Variants in SVIL observed in about 807,000 individuals in gnomAD.
SVIL encodes the protein supervillin.
SVIL carries 101 observed loss-of-function variants against 240.4 expected under a neutral mutation model. The observed-to-expected ratio is 0.42, with a 90% CI of 0.36 to 0.50. The LOEUF (loss-of-function observed/expected upper bound fraction) is 0.50. SVIL is among the 20% of genes least tolerant of loss of function. SVIL has a pLI of 0.01. For synonymous variants in SVIL, 999 were observed against 1,100.0 expected, an observed-to-expected ratio of 0.91 and a Z score of 1.82; for missense variants, 2,512 against 2,818.7, an observed-to-expected ratio of 0.89 and a Z score of 2.46.
Position 29,524,529 on chromosome 10 carries a change from C to A in SVIL, c.2529G>T (p.Gln843His). Residue 843 changes from glutamine to histidine, a missense_variant, in exon 14 of 38, where the codon CAG (glutamine) becomes CAT (histidine). Gln to His is a conservative substitution (Grantham distance 24, BLOSUM62 0). This residue lies in a region of SVIL where 1,443 missense variants were observed against 1,486.6 expected (regional missense o/e 0.97). Transcript: ENST00000355867. Reference protein sequence around the residue: ...ISTRNRIDTRQRRMNARYQTQ... With the variant: ...ISTRNRIDTRHRRMNARYQTQ... ...TTTGATAGCGAGCGTTCATTCTCCTCTGTCTCGTGTCTATTCTGTTCCGGG... is the reference window on the plus strand; with the variant it reads ...TTTGATAGCGAGCGTTCATTCTCCTATGTCTCGTGTCTATTCTGTTCCGGG... 1 of 1,614,222 alleles carries A rather than the reference C, an allele frequency of 6.2e-7. No individual in the cohort carries two copies. Among genetic ancestry groups the A allele is most frequent in the Non-Finnish European group, 8.5e-7 (1 of 1,180,046 alleles).
chr10:29,639,165 C>T (rs1228832444), upstream of SVIL, among the ~76,000 whole-genome samples: 1 of 151,906 alleles, frequency 6.6e-6, no homozygotes, highest in Non-Finnish European at 1.5e-5. Context: ...AACTCTTCCC[C>T]TTTCTTTTTT....
intron 1 of SVIL, among the ~76,000 whole-genome samples, chr10:29,695,282 G>A (rs768191184): frequency 6.6e-6 from 1 of 152,094 alleles, no homozygotes; most frequent in Non-Finnish European, 1.5e-5. Flanking sequence ...CTATGAGAAG[G>A]GGTAGTGGGA....
chr10:29,689,645 T>C (rs1431863232), intron 1 of SVIL, among the ~76,000 whole-genome samples: 1 of 152,214 alleles, frequency 6.6e-6, no homozygotes, highest in African/African-American at 2.4e-5. Context: ...GGAGCCCTTG[T>C]TATTGGAGTA....
intron 2 of SVIL, among the ~76,000 whole-genome samples, chr10:29,683,321 A>C (rs1006523727): frequency 1.2e-4 from 18 of 152,202 alleles, no homozygotes; most frequent in Admixed American, 9.2e-4. Context: ...GTTAGTATGC[A>C]AATGAAGCCT....
intron 1 of SVIL, among the ~76,000 whole-genome samples, chr10:29,605,716 AAT>A (rs68082429): frequency 0.48 from 69,908 of 144,824 alleles, 17,285 homozygotes; most frequent in Non-Finnish European, 0.52. Flanking sequence ...TATATATTCA[AAT>A]ATATATATAT....
intron 17 of SVIL, among the ~76,000 whole-genome samples, chr10:29,511,199 C>T (rs1294705742): frequency 7.3e-6 from 1 of 136,266 alleles, no homozygotes; most frequent in East Asian, 1.9e-4. Flanking sequence ...AAACCTTAGC[C>T]AGCGTTCAGG....
intron 1 of SVIL, among the ~76,000 whole-genome samples, chr10:29,597,189 G>A (rs1022804446): frequency 1.3e-5 from 2 of 152,186 alleles, no homozygotes. Context: ...ACAAAATGGC[G>A]AAGTATGATA....
At chr10:29,564,741 G>A (rs1401622640) in intron 2 of SVIL, among the ~76,000 whole-genome samples, 3 of 152,118 alleles carry the variant, frequency 2.0e-5, no homozygotes, top group Non-Finnish European at 4.4e-5. Flanking sequence ...ATGTAGCAAA[G>A]CTTACATTCC....
At chr10:29,507,434 T>C (rs1282548133) in intron 17 of SVIL, among the ~76,000 whole-genome samples, 1 of 152,128 alleles carries the variant, frequency 6.6e-6, no homozygotes, top group East Asian at 1.9e-4. Context: ...CAAGGATCAG[T>C]GTGTGTGTGA....
At chr10:29,493,183 T>C (rs1480830595) in intron 21 of SVIL, 31 bp downstream of exon 21, 9 of 1,603,122 alleles carry the variant, frequency 5.6e-6, no homozygotes, top group Non-Finnish European at 6.8e-6. Context: ...CCCTTCTCAG[T>C]GGAGGAAAGA....
At chr10:29,548,956 G>A (rs551604075) in intron 6 of SVIL, among the ~76,000 whole-genome samples, 283 of 152,246 alleles carry the variant, frequency 1.9e-3, no homozygotes, top group African/African-American at 6.6e-3. Context: ...ATAGGCATGG[G>A]CAAGGACTTC....
intron 23 of SVIL, chr10:29,487,618 C>G (rs1211249812): frequency 4.4e-6 from 1 of 225,844 alleles, no homozygotes; most frequent in Non-Finnish European, 8.7e-6. Context: ...CTTCACTCTT[C>G]TCCCGGGGCC....
At chr10:29,650,145 CA>C (rs1207575460) in intron 3 of SVIL, among the ~76,000 whole-genome samples, 15 of 152,194 alleles carry the variant, frequency 9.9e-5, no homozygotes, top group Admixed American at 9.8e-4. Context: ...TGGACTTAGA[CA>C]ATGATGTTTG....
intron 1 of SVIL, among the ~76,000 whole-genome samples, chr10:29,616,035 A>C (rs149869633): frequency 4.7e-4 from 71 of 152,310 alleles, no homozygotes; most frequent in African/African-American, 1.6e-3. Context: ...TTTTTGTTTA[A>C]ATCTTTATCA....
intron 1 of SVIL, among the ~76,000 whole-genome samples, chr10:29,591,504 C>G (rs1185497142): frequency 6.6e-6 from 1 of 152,170 alleles, no homozygotes; most frequent in Non-Finnish European, 1.5e-5. Flanking sequence ...AGTAATAGCT[C>G]TCTCTATAAA....
intron 35 of SVIL, among the ~76,000 whole-genome samples, chr10:29,463,176 C>T (rs192619610): frequency 1.6e-4 from 25 of 152,316 alleles, no homozygotes; most frequent in East Asian, 3.9e-4. Flanking sequence ...TGATCAACCC[C>T]GAGTACAGCG....
intron 1 of SVIL, among the ~76,000 whole-genome samples, chr10:29,633,336 A>G (rs1958182044): frequency 6.6e-6 from 1 of 151,948 alleles, no homozygotes; most frequent in Non-Finnish European, 1.5e-5. Flanking sequence ...GACAGAGGGT[A>G]CAATTTATAT....
intron 1 of SVIL, among the ~76,000 whole-genome samples, chr10:29,604,363 CTTTTTTTTTTTTT>C (rs71525560): frequency 2.1e-4 from 8 of 38,404 alleles, no homozygotes; most frequent in African/African-American, 5.9e-4. Context: ...CCATGTCTGG[CTTTTTTTTTTTTT>C]TTTTTTTTTT....
intron 3 of SVIL, among the ~76,000 whole-genome samples, chr10:29,555,828 T>G (rs1953875427): frequency 6.6e-6 from 1 of 152,302 alleles, no homozygotes; most frequent in East Asian, 1.9e-4. Context: ...AAGCATGAAC[T>G]CACAGCCGCT....
Sources: allele counts gnomAD v4.1 joint callset (sites outside exome capture counted in the v4.1 genomes callset), GRCh38; gene constraint gnomAD v4.1.1; regional missense constraint gnomAD v4.1.1; transcripts MANE v1.5; gene names NCBI Gene and HGNC (gene_info 2026-07-23, HGNC 2026-07-21).